The following PLD2 variants were observed in gnomAD, a reference collection of about 807,000 sequenced individuals.
The protein encoded by PLD2 is phospholipase D2.
In PLD2, 101 loss-of-function variants were observed where a neutral mutation model predicts 119.8. That is an observed-to-expected ratio of 0.84 (90% CI 0.72 to 0.99). The LOEUF (loss-of-function observed/expected upper bound fraction) is 0.99. PLD2 is among the 50% of genes least tolerant of loss of function. PLD2 has a pLI of 0.00. For synonymous variants in PLD2, 494 were observed against 482.8 expected, an observed-to-expected ratio of 1.02 and a Z score of -0.30; for missense variants, 1,164 against 1,226.8, an observed-to-expected ratio of 0.95 and a Z score of 0.76.
rs145334991 is a variant in PLD2 at position 4,819,260 on chromosome 17, G to C, written c.2308+42G>C. ...GTCCTCTGGCAGGGAGAGGGTGTGGGGACAGGCGAAGAGATGAGAGGCAGG... is the reference window on the plus strand; with the variant it reads ...GTCCTCTGGCAGGGAGAGGGTGTGGCGACAGGCGAAGAGATGAGAGGCAGG... On this transcript the variant is annotated intron_variant, in intron 22 of 24. Coordinates refer to ENST00000263088, the MANE Select transcript of PLD2 (RefSeq NM_002663.5). The surrounding 1 kb of genome is among the most constrained non-coding windows in gnomAD (Gnocchi z 4.2). 4.1e-3 allele frequency: 6,635 copies of C among 1,610,906 alleles called. 250 individuals are homozygous for C. In the Admixed American group the frequency reaches 0.077, roughly 19 times the overall value.
chr17:4,819,078 A>C lies in PLD2; in HGVS notation c.2174-6A>C. ...CTCTCACCTCACTTCCCCTCCTGTCACGCAGTGGGGACAGCATGGCGGGAC... is the reference window on the plus strand; with the variant it reads ...CTCTCACCTCACTTCCCCTCCTGTCCCGCAGTGGGGACAGCATGGCGGGAC... On this transcript the variant is annotated splice_region_variant and splice_polypyrimidine_tract_variant and intron_variant, in intron 21 of 24. Transcript: ENST00000263088. This position sits in a 1 kb window ranked among gnomAD's most constrained non-coding sequence, Gnocchi z 4.2. The C allele has an allele frequency of 6.2e-7, 1 of 1,614,040 alleles. No homozygotes were observed. The highest frequency in any genetic ancestry group is 2.2e-5 in the East Asian group (1 of 44,892).
rs370990081 is a variant in PLD2 at position 4,819,204 on chromosome 17, G to C, written c.2294G>C (p.Arg765Pro). ...IHSKVLIADDRTVIIGSANIN... is the reference protein window; with the variant it reads ...IHSKVLIADDPTVIIGSANIN... ...AGCAAGGTGCTCATCGCAGATGACC[G>C]GACAGTCATCATTGGTCAGTGCCGG... is the stretch of plus-strand genomic sequence containing the variant. The change falls in exon 22 of 25, where the codon CGG (arginine) becomes CCG (proline). Residue 765 changes from arginine (R) to proline (P), a missense_variant. Coordinates refer to ENST00000263088, the MANE Select transcript of PLD2 (RefSeq NM_002663.5). This position sits in a 1 kb window ranked among gnomAD's most constrained non-coding sequence, Gnocchi z 4.2. 6.8e-6 allele frequency: 11 copies of C among 1,613,960 alleles called. No homozygotes were observed. Among genetic ancestry groups the C allele is most frequent in the Non-Finnish European group, 9.3e-6 (11 of 1,180,024 alleles).
In PLD2 at chr17:4,808,158, G is replaced by T. The variant is rs766085896; in HGVS notation, c.240+44G>T. The T allele has an allele frequency of 1.9e-6, 3 of 1,595,134 alleles. No homozygotes were observed. In the Admixed American group the frequency reaches 5.1e-5, roughly 27 times the overall value. On this transcript the variant is annotated intron_variant, in intron 3 of 24. Coordinates refer to ENST00000263088, the MANE Select transcript of PLD2 (RefSeq NM_002663.5). This position sits in a 1 kb window ranked among gnomAD's most constrained non-coding sequence, Gnocchi z 4.1. The stretch of plus-strand genomic sequence containing the variant: ...GGGAGGGGGAAAGGGAGGGCGGCCC[G>T]GAATGGATCCAAGGTGGCTGGGCTG...
intron 23 of PLD2, among the ~76,000 whole-genome samples, chr17:4,820,872 G>A (rs140873970): frequency 0.021 from 3,152 of 148,372 alleles, 83 homozygotes; most frequent in African/African-American, 0.067. Context: ...CACCACGCCC[G>A]GCCAAAAAAA....
chr17:4,817,260 G>T lies in PLD2; in HGVS notation c.1815+1G>T. ...AGGAGGGCAGTGCACCACCGTACAGGTGAGGCCCCCCACTTCAGCCAGCCC... is the reference window on the plus strand; with the variant it reads ...AGGAGGGCAGTGCACCACCGTACAGTTGAGGCCCCCCACTTCAGCCAGCCC... On this transcript the variant is annotated splice_donor_variant, in intron 17 of 24. Transcript: ENST00000263088. LOFTEE classifies it high-confidence loss of function. The T allele has an allele frequency of 6.3e-7, 1 of 1,589,668 alleles. No individual in the cohort carries two copies. The highest frequency in any genetic ancestry group is 8.6e-7 in the Non-Finnish European group (1 of 1,157,594).
intron 13 of PLD2, 55 bp from the exon 14 acceptor site, chr17:4,815,709 C>A: frequency 6.2e-7 from 1 of 1,605,104 alleles, no homozygotes. Context: ...CTCCCAGTAC[C>A]TCCTGTTTTC....
rs549762151 is a variant in PLD2, at chr17:4,820,434, A to T, written c.2462+852A>T. ...AGGCGCCCACCACCACGCCCAGCTA[A>T]TTTTTGTATTTTTAGTAGAGACAGG... On this transcript the variant is annotated intron_variant, in intron 23 of 24. Coordinates refer to ENST00000263088, the MANE Select transcript of PLD2 (RefSeq NM_002663.5). Among the ~76,000 whole-genome samples, 5 of 141,176 alleles carry T rather than the reference A, an allele frequency of 3.5e-5. No homozygotes were observed. The South Asian group carries it at 1.1e-3, about 32-fold the overall frequency. 92.6% of individuals were successfully genotyped at this position (141,176 alleles called of 152,430 possible). A position where few individuals can be genotyped will look rare whatever the true frequency, so the allele number is the denominator to read the frequency against.
At chr17:4,811,884 G>A (rs1906510685) in intron 10 of PLD2, among the ~76,000 whole-genome samples, 1 of 151,950 alleles carries the variant, frequency 6.6e-6, no homozygotes, top group South Asian at 2.1e-4. Flanking sequence ...GTGTGATCAT[G>A]GCTCACGGCA....
rs1307854133 is a variant in PLD2 at position 4,808,387 on chromosome 17, A to C, written c.354A>C (p.Lys118Asn). The change falls in exon 4 of 25, where the codon AAA becomes AAC. Residue 118 changes from lysine to asparagine, a missense_variant. Lys to Asn is a moderately conservative substitution (Grantham distance 94). Coordinates refer to ENST00000263088, the MANE Select transcript of PLD2 (RefSeq NM_002663.5). This position sits in a 1 kb window ranked among gnomAD's most constrained non-coding sequence, Gnocchi z 4.1. ...QELHRDLLRH[K>N]VLMSLLPLAR... ...TGCATCGGGACCTCCTGAGACACAA[A>C]GTCTTGATGAGTCTGCTCCCTCTGG... The C allele has an allele frequency of 1.2e-6, 2 of 1,613,688 alleles. No individual in the cohort carries two copies. The highest frequency in any genetic ancestry group is 1.1e-5 in the South Asian group (1 of 91,066).
At position 4,819,257 on chromosome 17, in the gene PLD2, TG is replaced by T. The variant is rs968672845; in HGVS notation, c.2308+43del. On this transcript the variant is annotated intron_variant, in intron 22 of 24. Coordinates refer to ENST00000263088, the MANE Select transcript of PLD2 (RefSeq NM_002663.5). The surrounding 1 kb of genome is among the most constrained non-coding windows in gnomAD (Gnocchi z 4.2). Reference sequence around the variant, plus strand: ...CTAGTCCTCTGGCAGGGAGAGGGTGTGGGGACAGGCGAAGAGATGAGAGGCA... The same window carrying T: ...CTAGTCCTCTGGCAGGGAGAGGGTGTGGGACAGGCGAAGAGATGAGAGGCA... 3 of 1,611,346 alleles carry T rather than the reference TG, an allele frequency of 1.9e-6. No individual in the cohort carries two copies. The highest frequency in any genetic ancestry group is 2.7e-5 in the African/African-American group (2 of 74,776).
Position 4,815,523 on chromosome 17 carries a change from G to A in PLD2, c.1221G>A (p.Leu407=). Residue 407 remains leucine, a synonymous_variant, in exon 13 of 25, where the codon TTG becomes TTA. Transcript: ENST00000263088. ...TTCTGCTGTTTAAAGAAGTGGAATT[G>A]GCCTTGGGCATCAACAGTGGCTATA... The part of the protein sequence containing the change: ...VSILLFKEVE[L]ALGINSGYSK... 3 of 1,613,692 alleles carry A rather than the reference G, an allele frequency of 1.9e-6. No homozygotes were observed. Among genetic ancestry groups the A allele is most frequent in the Non-Finnish European group, 2.5e-6 (3 of 1,179,716 alleles).
Position 4,808,415 on chromosome 17 carries a change from C to A in PLD2, c.382C>A (p.Arg128=). The part of the protein sequence containing the change: ...KVLMSLLPLA[R]FAVAYSPARD... ...CTTGATGAGTCTGCTCCCTCTGGCT[C>A]GGTGAGGGCGACCGGACTGCTTCCT... Residue 128 remains arginine (R), a splice_region_variant and synonymous_variant, in exon 4 of 25, where the codon CGA becomes AGA. Coordinates refer to ENST00000263088, the MANE Select transcript of PLD2 (RefSeq NM_002663.5). This position sits in a 1 kb window ranked among gnomAD's most constrained non-coding sequence, Gnocchi z 4.1. 6.2e-7 allele frequency: 1 copy of A among 1,613,448 alleles called. No individual in the cohort carries two copies. Among genetic ancestry groups the A allele is most frequent in the African/African-American group, 1.3e-5 (1 of 75,004 alleles).
chr17:4,809,360 CATGGTA>C lies in PLD2; in HGVS notation c.554_555+4del. The stretch of plus-strand genomic sequence containing the variant: ...TGTCTTTCTATCGCAACTACCATGC[CATGGTA>C]AGGTCCAGGGGCCGATTTTAGATGT... On this transcript the variant is annotated splice_donor_variant and splice_donor_region_variant and coding_sequence_variant and intron_variant, in exon 6 of 25. Coordinates refer to ENST00000263088, the MANE Select transcript of PLD2 (RefSeq NM_002663.5). LOFTEE classifies it high-confidence loss of function. The C allele has an allele frequency of 6.2e-7, 1 of 1,614,012 alleles. No homozygotes were observed. The highest frequency in any genetic ancestry group is 8.5e-7 in the Non-Finnish European group (1 of 1,179,854).
Position 4,810,889 on chromosome 17 carries a change from C to A in PLD2, c.948C>A (p.Asp316Glu). Residue 316 changes from aspartate to glutamate, a missense_variant, in exon 10 of 25, where the codon GAC becomes GAA. Transcript: ENST00000263088. ...AGCTGGCACAGGGCCCAGGCAGAGA[C>A]TTCCTACAGCTGCACCGGCATGACA... Reference protein sequence around the residue: ...ITELAQGPGRDFLQLHRHDSY... With the variant: ...ITELAQGPGREFLQLHRHDSY... 6.2e-7 allele frequency: 1 copy of A among 1,613,918 alleles called. No individual in the cohort carries two copies. Among genetic ancestry groups the A allele is most frequent in the Non-Finnish European group, 8.5e-7 (1 of 1,179,974 alleles).
chr17:4,819,392 G>A lies in PLD2; in HGVS notation c.2309-37G>A. The A allele has an allele frequency of 6.2e-7, 1 of 1,610,662 alleles. No individual in the cohort carries two copies. ...GATGGGGTACTGGGGAGAGTGCCCT[G>A]GGCCCAAGCACACAGTGTGCCCCGC... On this transcript the variant is annotated intron_variant, in intron 22 of 24. Coordinates refer to ENST00000263088, the MANE Select transcript of PLD2 (RefSeq NM_002663.5). This position sits in a 1 kb window ranked among gnomAD's most constrained non-coding sequence, Gnocchi z 4.2.
intron 10 of PLD2, among the ~76,000 whole-genome samples, chr17:4,813,073 G>A (rs34834883): frequency 0.012 from 1,884 of 152,236 alleles, 16 homozygotes; most frequent in Middle Eastern, 0.024. Flanking sequence ...GCAGTGGCGC[G>A]ATACCAGCTC....
intron 10 of PLD2, among the ~76,000 whole-genome samples, chr17:4,812,646 AG>A (rs1448789003): frequency 5.3e-5 from 8 of 152,148 alleles, no homozygotes; most frequent in Non-Finnish European, 1.0e-4. Flanking sequence ...TCAGATCAGC[AG>A]TTGCCTGTGG....
At position 4,807,931 on chromosome 17, in the gene PLD2, C is replaced by T. The variant is rs372196693; in HGVS notation, c.109+50C>T. Reference sequence around the variant, plus strand: ...TCAGGGAGGAGAGGCGTTCGGGAGCCAGGGGGCTGGGGCCTGTTGTGGTCT... The same window carrying T: ...TCAGGGAGGAGAGGCGTTCGGGAGCTAGGGGGCTGGGGCCTGTTGTGGTCT... On this transcript the variant is annotated intron_variant, in intron 2 of 24. Transcript: ENST00000263088. This position sits in a 1 kb window ranked among gnomAD's most constrained non-coding sequence, Gnocchi z 5.4. 6.2e-7 allele frequency: 1 copy of T among 1,606,978 alleles called. No homozygotes were observed. Among genetic ancestry groups the T allele is most frequent in the East Asian group, 2.2e-5 (1 of 44,624 alleles).
Position 4,819,082 on chromosome 17 carries a change from A to C in PLD2, c.2174-2A>C, listed in dbSNP as rs561796034. On this transcript the variant is annotated splice_acceptor_variant, in intron 21 of 24. Coordinates refer to ENST00000263088, the MANE Select transcript of PLD2 (RefSeq NM_002663.5). LOFTEE classifies it high-confidence loss of function. The surrounding 1 kb of genome is among the most constrained non-coding windows in gnomAD (Gnocchi z 4.2). Reference sequence around the variant, plus strand: ...CACCTCACTTCCCCTCCTGTCACGCAGTGGGGACAGCATGGCGGGACTATA... The same window carrying C: ...CACCTCACTTCCCCTCCTGTCACGCCGTGGGGACAGCATGGCGGGACTATA... 9 of 1,614,128 alleles carry C rather than the reference A, an allele frequency of 5.6e-6. No individual in the cohort carries two copies. In the East Asian group the frequency reaches 2.0e-4, roughly 36 times the overall value.
Sources: allele counts gnomAD v4.1 joint callset (sites outside exome capture counted in the v4.1 genomes callset), GRCh38; gene constraint gnomAD v4.1.1; non-coding constraint Gnocchi (gnomAD v3.1); transcripts MANE v1.5; gene names NCBI Gene and HGNC (gene_info 2026-07-23, HGNC 2026-07-21).